The following TAFA4 variants were observed in gnomAD, a reference collection of about 807,000 sequenced individuals.
The protein encoded by TAFA4 is chemokine-like protein TAFA-4.
Under a neutral mutation model 21.1 loss-of-function variants are expected in TAFA4, and 20 were observed. The ratio of observed to expected loss-of-function variants is 0.95; its 90% confidence interval spans 0.67 to 1.38. The LOEUF (loss-of-function observed/expected upper bound fraction) is 1.38, where lower values mean the gene tolerates loss of function less well. TAFA4 is among the 40% of genes most tolerant of loss of function. The probability of loss-of-function intolerance (pLI) is 0.00; values close to 1 mark genes in which losing one functional copy is unlikely to be tolerated. For synonymous variants in TAFA4, 71 were observed against 67.4 expected, an observed-to-expected ratio of 1.05 and a Z score of -0.26; for missense variants, 211 against 180.9, an observed-to-expected ratio of 1.17 and a Z score of -0.95.
At chr3:68,768,799 C>T (rs531871456) in intron 3 of TAFA4, among the ~76,000 whole-genome samples, 25 of 152,094 alleles carry the variant, frequency 1.6e-4, no homozygotes, top group African/African-American at 3.9e-4. Context: ...ACAACATGGA[C>T]GAATCTGGAA....
chr3:68,809,519 AT>A (rs200107940), intron 3 of TAFA4, among the ~76,000 whole-genome samples: 12,616 of 126,634 alleles, frequency 0.1, 528 homozygotes, highest in African/African-American at 0.12. Context: ...CACTATGTTG[AT>A]TTTTTTTTTT....
At chr3:68,760,338 G>T (rs1388172831) in intron 3 of TAFA4, among the ~76,000 whole-genome samples, 1 of 152,054 alleles carries the variant, frequency 6.6e-6, no homozygotes, top group East Asian at 1.9e-4. Context: ...GTGCAGACAG[G>T]GCTTTTCTAT....
At position 68,885,294 on chromosome 3, in the gene TAFA4, A is replaced by T; in HGVS notation, c.-106T>A. 3 of 1,026,464 alleles carry T rather than the reference A, an allele frequency of 2.9e-6. No individual in the cohort carries two copies. Among genetic ancestry groups the T allele is most frequent in the Non-Finnish European group, 4.3e-6 (3 of 699,842 alleles). 63.6% of individuals were successfully genotyped at this position (1,026,464 alleles called of 1,614,324 possible). On this transcript the variant is annotated 5_prime_UTR_variant, in exon 2 of 6. It removes the in-frame stop codon of an upstream open reading frame in the 5' UTR. Transcript: ENST00000295569. ...ATCATTTCTGCCGTTCCAAAAAATT[A>T]TCGTAGCTCAGAAGACCTATGTTAA...
At chr3:68,879,519 A>G (rs757860631) in intron 3 of TAFA4, among the ~76,000 whole-genome samples, 10 of 152,138 alleles carry the variant, frequency 6.6e-5, no homozygotes, top group Non-Finnish European at 8.8e-5. Context: ...GACCTCAAAC[A>G]CTATCCTCGT....
At chr3:68,800,087 G>A (rs1703544037) in intron 3 of TAFA4, among the ~76,000 whole-genome samples, 1 of 152,104 alleles carries the variant, frequency 6.6e-6, no homozygotes, top group Non-Finnish European at 1.5e-5. Flanking sequence ...GACTCTTACT[G>A]ATTCTGCATT....
intron 1 of TAFA4, among the ~76,000 whole-genome samples, chr3:68,888,123 G>A (rs75551943): frequency 0.039 from 5,972 of 151,938 alleles, 165 homozygotes; most frequent in Middle Eastern, 0.071. Flanking sequence ...ACATATACTA[G>A]ATCATTGCTC....
At chr3:68,822,332 A>G (rs1704130820) in intron 3 of TAFA4, among the ~76,000 whole-genome samples, 2 of 152,186 alleles carry the variant, frequency 1.3e-5, no homozygotes, top group South Asian at 4.1e-4. Flanking sequence ...ATTGAAGCTC[A>G]GTTGTGTGTC....
chr3:68,833,474 A>G (rs926967862), intron 3 of TAFA4, among the ~76,000 whole-genome samples: 6 of 152,184 alleles, frequency 3.9e-5, no homozygotes, highest in African/African-American at 1.4e-4. Flanking sequence ...ACTTTATTGT[A>G]GCATGTCTGA....
intron 2 of TAFA4, among the ~76,000 whole-genome samples, chr3:68,882,581 G>T (rs1327352007): frequency 1.3e-5 from 2 of 152,136 alleles, no homozygotes; most frequent in African/African-American, 2.4e-5. Flanking sequence ...TGGGTAAGAG[G>T]AATAAGCCTT....
chr3:68,782,129 A>G (rs1256301177), intron 3 of TAFA4, among the ~76,000 whole-genome samples: 1 of 152,228 alleles, frequency 6.6e-6, no homozygotes, highest in Non-Finnish European at 1.5e-5. Flanking sequence ...TCCAGAATAC[A>G]TCAAAAACTC....
intron 2 of TAFA4, among the ~76,000 whole-genome samples, chr3:68,884,381 C>T (rs560478502): frequency 2.0e-4 from 30 of 152,310 alleles, no homozygotes; most frequent in African/African-American, 7.2e-4. Flanking sequence ...GCCATCTCTC[C>T]ACCATGGCTC....
intron 1 of TAFA4, among the ~76,000 whole-genome samples, chr3:68,918,911 T>TTGTG (rs10642065): frequency 0.27 from 40,309 of 151,902 alleles, 5,801 homozygotes; most frequent in African/African-American, 0.39. Flanking sequence ...GCAATTCACT[T>TTGTG]TGTTTTTTAA....
At chr3:68,749,082 C>T (rs953599431) in intron 4 of TAFA4, among the ~76,000 whole-genome samples, 6 of 152,270 alleles carry the variant, frequency 3.9e-5, no homozygotes, top group Admixed American at 1.3e-4. Context: ...CACAGTCTCA[C>T]GATCAAATAA....
intron 1 of TAFA4, among the ~76,000 whole-genome samples, chr3:68,919,236 C>A (rs560868044): frequency 1.3e-5 from 2 of 152,336 alleles, no homozygotes; most frequent in African/African-American, 4.8e-5. Context: ...ATTCACTTTA[C>A]AAAGAACTGC....
At chr3:68,783,713 AAAAGAAAGAAAG>A (rs60548305) in intron 3 of TAFA4, among the ~76,000 whole-genome samples, 9 of 80,800 alleles carry the variant, frequency 1.1e-4, no homozygotes, top group African/African-American at 3.2e-4. Context: ...GAGAGAAAGA[AAAAGAAAGAAAG>A]AAAGAAAGAA....
intron 4 of TAFA4, among the ~76,000 whole-genome samples, chr3:68,743,941 ACAG>A: frequency 6.6e-6 from 1 of 152,210 alleles, no homozygotes; most frequent in Non-Finnish European, 1.5e-5. Context: ...TCTGAATACC[ACAG>A]ATTGGTTCCA....
chr3:68,833,776 A>G (rs907795876), intron 3 of TAFA4, among the ~76,000 whole-genome samples: 1 of 152,160 alleles, frequency 6.6e-6, no homozygotes, highest in South Asian at 2.1e-4. Context: ...AAATGAACTG[A>G]TCACCCCTTT....
In TAFA4 at chr3:68,739,178, C is replaced by G. The variant is rs1160677728; in HGVS notation, c.308G>C (p.Trp103Ser). Residue 103 changes from tryptophan (W) to serine (S), a missense_variant, in exon 5 of 6, where the codon TGG becomes TCG. Trp to Ser is a radical substitution (Grantham distance 177). Coordinates refer to ENST00000295569, the MANE Select transcript of TAFA4 (RefSeq NM_182522.5). ...CAAACACGGATTCATGTGACACCAC[C>G]ATTTCTGAATCACAATGGAAGCTGG... ...CVEASIVIQK[W>S]WCHMNPCLEG... 1 of 1,613,750 alleles carries G rather than the reference C, an allele frequency of 6.2e-7. No individual in the cohort carries two copies. The highest frequency in any genetic ancestry group is 8.5e-7 in the Non-Finnish European group (1 of 1,179,820).
Position 68,785,530 on chromosome 3 carries a change from T to C in TAFA4, c.131-32512A>G, listed in dbSNP as rs1423806023. On this transcript the variant is annotated intron_variant, in intron 3 of 5. Coordinates refer to ENST00000295569, the MANE Select transcript of TAFA4 (RefSeq NM_182522.5). ...GCTGCTGGCCCAGGTGCTAAGCCCC[T>C]CACTGCCCAGGGCCGGCCGGCCGCT... Among the ~76,000 whole-genome samples, 9 of 152,136 alleles carry C rather than the reference T, an allele frequency of 5.9e-5. No homozygotes were observed. The East Asian group carries it at 1.7e-3, about 29-fold the overall frequency.
Sources: gnomAD v4.1 joint callset for allele counts (sites outside exome capture counted in the v4.1 genomes callset) on GRCh38, gnomAD v4.1.1 for gene constraint, MANE v1.5 for transcripts, NCBI Gene and HGNC (gene_info 2026-07-23, HGNC 2026-07-21) for gene names.